Variants in ETNPPL observed in about 807,000 individuals in gnomAD.
The protein encoded by ETNPPL is ethanolamine-phosphate phospho-lyase.
A neutral mutation model predicts 55.5 loss-of-function variants in ETNPPL; 30 were observed. The ratio of observed to expected loss-of-function variants is 0.54; its 90% confidence interval spans 0.40 to 0.73. ETNPPL has a LOEUF of 0.73. Ranked by LOEUF, ETNPPL falls within the 30% of genes least tolerant of loss-of-function variation. ETNPPL has a pLI of 0.00. For synonymous variants in ETNPPL, 202 were observed against 207.2 expected (o/e 0.98, Z 0.21); for missense variants, 528 against 607.9 (o/e 0.87, Z 1.38).
At chr4:108,748,425 A>T (rs747813198) in intron 8 of ETNPPL, among the ~76,000 whole-genome samples, 11 of 152,312 alleles carry the variant, frequency 7.2e-5, no homozygotes, top group Non-Finnish European at 1.5e-4. Flanking sequence ...TCCAAACAAA[A>T]GCAGACATTA....
intron 11 of ETNPPL, among the ~76,000 whole-genome samples, chr4:108,745,768 T>C (rs1310307953): frequency 6.6e-6 from 1 of 151,694 alleles, no homozygotes. Flanking sequence ...CCATCTCTAC[T>C]AAAAATGCAG....
At chr4:108,762,356 T>TAA (rs1235312221) in intron 1 of ETNPPL, 1 of 465,996 alleles carries the variant, frequency 2.1e-6, no homozygotes, top group Non-Finnish European at 4.3e-6. Context: ...CTTCATCACT[T>TAA]AACCAAGCAT....
At position 108,747,437 on chromosome 4, in the gene ETNPPL, C is replaced by T. The variant is rs192015737; in HGVS notation, c.1082+568G>A. ...GTATAAAAGCCAGGAAAGACATATA[C>T]CCAAATGTTTTTTTATTGTTGTTGG... On this transcript the variant is annotated intron_variant, in intron 9 of 12. Transcript: ENST00000296486. 3.1e-3 allele frequency among the ~76,000 whole-genome samples: 456 copies of T among 146,478 alleles called. 6 individuals are homozygous for T. Among genetic ancestry groups the T allele is most frequent in the African/African-American group, 0.011 (442 of 40,368 alleles).
At chr4:108,755,520 G>GA (rs1256688242) in intron 4 of ETNPPL, among the ~76,000 whole-genome samples, 1 of 152,004 alleles carries the variant, frequency 6.6e-6, no homozygotes, top group African/African-American at 2.4e-5. Context: ...AAATTTAAAA[G>GA]AAAAAATATC....
At chr4:108,751,538 T>C (rs558832324) in intron 6 of ETNPPL, among the ~76,000 whole-genome samples, 4 of 152,286 alleles carry the variant, frequency 2.6e-5, no homozygotes, top group African/African-American at 9.6e-5. Context: ...AACTCAACAG[T>C]GGGCAGTTAA....
chr4:108,762,360 C>A (rs1018875178), intron 1 of ETNPPL: 1 of 467,500 alleles, frequency 2.1e-6, no homozygotes, highest in Non-Finnish European at 4.3e-6. Flanking sequence ...ATCACTTAAC[C>A]AAGCATGCAA....
In ETNPPL at chr4:108,756,501, A is replaced by G. The variant is rs150613655; in HGVS notation, c.336-9T>C. On this transcript the variant is annotated splice_polypyrimidine_tract_variant and intron_variant, in intron 3 of 12. Transcript: ENST00000296486. Reference sequence around the variant, plus strand: ...AGTCGTTGGCTTCGGATCTATTAAGATAACATAGAGAGAGAGGACACTGTG... The same window carrying G: ...AGTCGTTGGCTTCGGATCTATTAAGGTAACATAGAGAGAGAGGACACTGTG... 1.1e-4 allele frequency: 181 copies of G among 1,608,622 alleles called. 1 individual carries two copies. The East Asian group carries it at 3.3e-3, about 29-fold the overall frequency.
chr4:108,753,760 G>GAAAGAAAGA lies in ETNPPL; in HGVS notation c.502-758_502-750dup, dbSNP rs1448319566. On this transcript the variant is annotated intron_variant, in intron 5 of 12. Coordinates refer to ENST00000296486, the MANE Select transcript of ETNPPL (RefSeq NM_031279.4). The stretch of plus-strand genomic sequence containing the variant: ...CCGTCTCAAATAAATAAGAAAGAAA[G>GAAAGAAAGA]AAAGAAAGAAAGAAAGAAAGAAAGA... Among the ~76,000 whole-genome samples the GAAAGAAAGA allele has an allele frequency of 2.6e-3, 328 of 127,830 alleles. 4 individuals are homozygous for GAAAGAAAGA. The highest frequency in any genetic ancestry group is 0.012 in the Admixed American group (151 of 12,134). 83.9% of individuals were successfully genotyped at this position (127,830 alleles called of 152,430 possible).
At chr4:108,743,924 T>G in intron 11 of ETNPPL, 68 bp from the exon 12 acceptor site, 1 of 1,007,980 alleles carries the variant, frequency 9.9e-7, no homozygotes, top group South Asian at 1.3e-5. Flanking sequence ...AACTTTTTGG[T>G]ATCTTAGCAA....
chr4:108,742,514 A>G lies in ETNPPL; in HGVS notation c.1470T>C (p.His490=), dbSNP rs775667622. The part of the protein sequence containing the change: ...RKRNGMCTDT[H]SLLSKRLKT Reference sequence around the variant, plus strand: ...TCTTGAGCCTCTTACTGAGCAGTGAATGTGTATCCGTGCACATTCCATTTC... The same window carrying G: ...TCTTGAGCCTCTTACTGAGCAGTGAGTGTGTATCCGTGCACATTCCATTTC... The change falls in exon 13 of 13, where the codon CAT becomes CAC. Residue 490 remains histidine (H), a synonymous_variant. Coordinates refer to ENST00000296486, the MANE Select transcript of ETNPPL (RefSeq NM_031279.4). The G allele has an allele frequency of 2.5e-6, 4 of 1,614,130 alleles. No homozygotes were observed. The highest frequency in any genetic ancestry group is 2.2e-5 in the South Asian group (2 of 91,082).
chr4:108,760,644 AT>A (rs751540417), intron 1 of ETNPPL, among the ~76,000 whole-genome samples: 38 of 152,338 alleles, frequency 2.5e-4, no homozygotes, highest in Admixed American at 9.2e-4. Context: ...CAGAAAAAAA[AT>A]AACCAAGTTT....
At chr4:108,748,981 G>A (rs1045733276) in intron 8 of ETNPPL, among the ~76,000 whole-genome samples, 1 of 152,054 alleles carries the variant, frequency 6.6e-6, no homozygotes, top group Non-Finnish European at 1.5e-5. Context: ...GTTGATAGGT[G>A]CAGCAAACCA....
At chr4:108,750,494 C>CTGTGTGTGTGTG (rs1397026481) in intron 7 of ETNPPL, among the ~76,000 whole-genome samples, 1 of 67,384 alleles carries the variant, frequency 1.5e-5, no homozygotes, top group African/African-American at 4.9e-5. Flanking sequence ...CTTAATACCG[C>CTGTGTGTGTGTG]CGTGTGTGTG....
intron 12 of ETNPPL, 146 bp downstream of exon 12, chr4:108,743,643 C>T: frequency 1.5e-6 from 1 of 668,538 alleles, no homozygotes; most frequent in Non-Finnish European, 2.7e-6. Flanking sequence ...TAATTGTGCA[C>T]TCAAAATTGC....
Position 108,754,681 on chromosome 4 carries a change from A to T in ETNPPL, c.440T>A (p.Ile147Asn). 1 of 1,598,204 alleles carries T rather than the reference A, an allele frequency of 6.3e-7. No homozygotes were observed. Residue 147 changes from isoleucine to asparagine, a missense_variant, in exon 5 of 13, where the codon ATT becomes AAT. Physicochemically the swap from Ile to Asn is moderately radical, Grantham distance 149. Transcript: ENST00000296486. Reference protein sequence around the residue: ...HAYHGHLSSLIEISPYKFQKG... With the variant: ...HAYHGHLSSLNEISPYKFQKG... ...CTGAAACTTATATGGGCTAATCTCAATTAAGGATGATAGGTGACCATGGTA... is the reference window on the plus strand; with the variant it reads ...CTGAAACTTATATGGGCTAATCTCATTTAAGGATGATAGGTGACCATGGTA...
chr4:108,760,146 A>G, intron 2 of ETNPPL, 42 bp downstream of exon 2: 1 of 1,388,254 alleles, frequency 7.2e-7, no homozygotes, highest in African/African-American at 1.4e-5. Flanking sequence ...GCTTTACTCC[A>G]TGAACATTTC....
At chr4:108,753,772 G>T (rs192088781) in intron 5 of ETNPPL, among the ~76,000 whole-genome samples, 11,472 of 118,908 alleles carry the variant, frequency 0.096, 1,038 homozygotes, top group East Asian at 0.49. Context: ...AAGAAAGAAA[G>T]AAAGAAAGAA....
rs563363938 is a variant in ETNPPL at position 108,761,988 on chromosome 4, G to A, written c.56+855C>T. 7.2e-5 allele frequency among the ~76,000 whole-genome samples: 11 copies of A among 152,240 alleles called. No individual in the cohort carries two copies. The South Asian group carries it at 1.2e-3, about 17-fold the overall frequency. On this transcript the variant is annotated intron_variant, in intron 1 of 12. Transcript: ENST00000296486. ...GCAGACGGTTGACTTTACAGTATTC[G>A]GGGTCATTAATCATCATTTATATTT...
chr4:108,743,961 T>C (rs1728340937), intron 11 of ETNPPL, 105 bp from the exon 12 acceptor site: 2 of 747,768 alleles, frequency 2.7e-6, no homozygotes, highest in South Asian at 3.2e-5. Flanking sequence ...TGGAAGGAAA[T>C]GTTATGTGTT....
Sources: gnomAD v4.1 joint callset for allele counts (sites outside exome capture counted in the v4.1 genomes callset) on GRCh38, gnomAD v4.1.1 for gene constraint, MANE v1.5 for transcripts, NCBI Gene and HGNC (gene_info 2026-07-23, HGNC 2026-07-21) for gene names.